Variants in UGT1A7 observed in about 807,000 individuals in gnomAD.
The protein encoded by UGT1A7 is UDP glucuronosyltransferase family 1 member A7, also known as UDP-glucuronosyltransferase 1A7.
A neutral mutation model predicts 45.6 loss-of-function variants in UGT1A7; 33 were observed. The ratio of observed to expected loss-of-function variants is 0.72; its 90% CI spans 0.55 to 0.97. UGT1A7 has a LOEUF of 0.97. Ranked by LOEUF, UGT1A7 falls within the 50% of genes least tolerant of loss-of-function variation. The pLI is 0.00. For missense variants in UGT1A7, 684 were observed against 666.2 expected (o/e 1.03, Z -0.29); for synonymous variants, 274 against 250.6 (o/e 1.09, Z -0.88).
At chr2:233,767,649 T>C (rs965947156) in intron 2 of UGT1A7, among the ~76,000 whole-genome samples, 200 bp from the exon 3 acceptor site, 2 of 152,184 alleles carry the variant, frequency 1.3e-5, no homozygotes, top group African/African-American at 4.8e-5. Context: ...ATTCACGTAG[T>C]GCATACACCC....
chr2:233,729,309 C>T, intron 1 of UGT1A7: 3 of 1,614,256 alleles, frequency 1.9e-6, no homozygotes, highest in Non-Finnish European at 2.5e-6. Context: ...CAGTGGTCCT[C>T]ACCCCAGAGG....
At chr2:233,760,872 G>A in intron 1 of UGT1A7, 1 of 1,614,112 alleles carries the variant, frequency 6.2e-7, no homozygotes, top group Non-Finnish European at 8.5e-7. Flanking sequence ...ACGTGCCCAG[G>A]CCTCTCTCCT....
Position 233,755,903 on chromosome 2 carries a change from T to G in UGT1A7, c.856-11131T>G, listed in dbSNP as rs537567684. ...TTATGTAACTTTTTTTGAGACAAAATGTAGTGAGAAGAGTGGCATCGTTTT... is the reference window on the plus strand; with the variant it reads ...TTATGTAACTTTTTTTGAGACAAAAGGTAGTGAGAAGAGTGGCATCGTTTT... On this transcript the variant is annotated intron_variant, in intron 1 of 4. Transcript: ENST00000373426. 8 of 152,096 alleles carry G rather than the reference T, an allele frequency of 5.3e-5. No individual in the cohort carries two copies. The South Asian group carries it at 1.7e-3, about 32-fold the overall frequency. 9.4% of individuals were successfully genotyped at this position (152,096 alleles called of 1,614,324 possible). A position where few individuals can be genotyped will look rare whatever the true frequency, so the allele number is the denominator to read the frequency against.
At position 233,769,460 on chromosome 2, in the gene UGT1A7, TATGC is replaced by T. The variant is rs1219729658; in HGVS notation, c.1295+1022_1295+1025del. ...GTGTGGGTGCACACGTGTGCATTCA[TATGC>T]GTGTGTGTGTGTGTGCGTGTGTTTA... On this transcript the variant is annotated intron_variant, in intron 4 of 4. Coordinates refer to ENST00000373426, the MANE Select transcript of UGT1A7 (RefSeq NM_019077.3). The surrounding 1 kb of genome is among the most constrained non-coding windows in gnomAD (Gnocchi z 4.4). 1.1e-5 allele frequency: 17 copies of T among 1,601,706 alleles called. No homozygotes were observed. Among genetic ancestry groups the T allele is most frequent in the Non-Finnish European group, 1.3e-5 (15 of 1,170,686 alleles).
rs753512191 is a variant in UGT1A7 at position 233,755,032 on chromosome 2, C to T, written c.856-12002C>T. The T allele has an allele frequency of 5.3e-6, 7 of 1,314,500 alleles. No individual in the cohort carries two copies. In the Admixed American group the frequency reaches 9.5e-5, roughly 18 times the overall value. The allele number at this position is 1,314,500 out of a possible 1,614,324, so 81.4% of individuals were successfully genotyped here. A position where few individuals can be genotyped will look rare whatever the true frequency, so the allele number is the denominator to read the frequency against. ...TCGAAGGGGTCCTTGAAGGGCCTGC[C>T]GCCTGCGCAGCCGCCCTCCGCCCTC... On this transcript the variant is annotated intron_variant, in intron 1 of 4. Coordinates refer to ENST00000373426, the MANE Select transcript of UGT1A7 (RefSeq NM_019077.3).
At chr2:233,688,607 C>T (rs970672197) in intron 1 of UGT1A7, among the ~76,000 whole-genome samples, 1 of 152,040 alleles carries the variant, frequency 6.6e-6, no homozygotes, top group Non-Finnish European at 1.5e-5. Flanking sequence ...AGAATAACAC[C>T]CTCAGCAAAC....
intron 1 of UGT1A7, among the ~76,000 whole-genome samples, chr2:233,733,174 GC>G (rs2078363490): frequency 6.6e-6 from 1 of 152,204 alleles, no homozygotes; most frequent in South Asian, 2.1e-4. Context: ...CTGGGACTTT[GC>G]TGAAGTTGCT....
intron 1 of UGT1A7, among the ~76,000 whole-genome samples, chr2:233,709,853 C>T (rs1247247168): frequency 6.6e-6 from 1 of 152,196 alleles, no homozygotes; most frequent in Non-Finnish European, 1.5e-5. Flanking sequence ...ACATTCAAGA[C>T]ACGGAGCACT....
At chr2:233,733,916 G>A (rs1485118411) in intron 1 of UGT1A7, among the ~76,000 whole-genome samples, 2 of 151,970 alleles carry the variant, frequency 1.3e-5, no homozygotes, top group South Asian at 2.1e-4. Context: ...GGTAGAATTC[G>A]GCTGTGAGGA....
intron 1 of UGT1A7, chr2:233,713,262 C>T (rs776921440): frequency 1.6e-5 from 26 of 1,614,198 alleles, no homozygotes; most frequent in East Asian, 6.7e-5. Flanking sequence ...CGAATTTGAT[C>T]GCCTTTTGCT....
chr2:233,765,405 A>G (rs568434598), intron 1 of UGT1A7, among the ~76,000 whole-genome samples: 1 of 152,328 alleles, frequency 6.6e-6, no homozygotes, highest in South Asian at 2.1e-4. Context: ...GTACATATAC[A>G]CCATGGAATA....
At chr2:233,758,762 G>A (rs1375846813) in intron 1 of UGT1A7, among the ~76,000 whole-genome samples, 1 of 152,150 alleles carries the variant, frequency 6.6e-6, no homozygotes, top group Non-Finnish European at 1.5e-5. Flanking sequence ...TGATGTGTAT[G>A]GTTCAAATGT....
chr2:233,724,478 T>C (rs865902503), intron 1 of UGT1A7, among the ~76,000 whole-genome samples: 108 of 60,136 alleles, frequency 1.8e-3, no homozygotes, highest in South Asian at 3.9e-3. Flanking sequence ...TCCTCACTTC[T>C]CAGACGGGGC....
intron 1 of UGT1A7, among the ~76,000 whole-genome samples, chr2:233,684,467 G>GT (rs1162834640): frequency 1.3e-5 from 2 of 152,216 alleles, no homozygotes; most frequent in Non-Finnish European, 2.9e-5. Flanking sequence ...CCCATGCTGA[G>GT]TTTGTTGTGG....
In UGT1A7 at chr2:233,769,481, G is replaced by A. The variant is rs35791110; in HGVS notation, c.1295+1042G>A. ...TTCATATGCGTGTGTGTGTGTGTGC[G>A]TGTGTTTATGAGAGTGTCCATTGCT... On this transcript the variant is annotated intron_variant, in intron 4 of 4. Coordinates refer to ENST00000373426, the MANE Select transcript of UGT1A7 (RefSeq NM_019077.3). This position sits in a 1 kb window ranked among gnomAD's most constrained non-coding sequence, Gnocchi z 4.4. 5.5e-4 allele frequency: 893 copies of A among 1,612,192 alleles called. 4 individuals are homozygous for A. The African/African-American group carries it at 9.9e-3, about 18-fold the overall frequency.
At chr2:233,699,007 A>C (rs575733122) in intron 1 of UGT1A7, among the ~76,000 whole-genome samples, 1 of 152,358 alleles carries the variant, frequency 6.6e-6, no homozygotes, top group South Asian at 2.1e-4. Context: ...CTGTAAGAAC[A>C]TGAGAGGCTG....
chr2:233,755,316 A>C, intron 1 of UGT1A7: 1 of 530,882 alleles, frequency 1.9e-6, no homozygotes, highest in Admixed American at 3.3e-5. Context: ...GCGAGCGGCA[A>C]GGCTGCCAGC....
At chr2:233,754,354 C>G in intron 1 of UGT1A7, 1 of 263,180 alleles carries the variant, frequency 3.8e-6, no homozygotes, top group Admixed American at 5.0e-5. Flanking sequence ...AAATTGCATA[C>G]AGATATTTAC....
chr2:233,688,681 T>C (rs1486641418), intron 1 of UGT1A7, among the ~76,000 whole-genome samples: 1 of 152,192 alleles, frequency 6.6e-6, no homozygotes, highest in East Asian at 1.9e-4. Flanking sequence ...TTTTAAAAAA[T>C]TTAATATTAA....
Sources: allele counts gnomAD v4.1 joint callset (sites outside exome capture counted in the v4.1 genomes callset), GRCh38; gene constraint gnomAD v4.1.1; non-coding constraint Gnocchi (gnomAD v3.1); transcripts MANE v1.5; gene names NCBI Gene and HGNC (gene_info 2026-07-23, HGNC 2026-07-21).